CHD7: variants seen among roughly 807,000 people sequenced by gnomAD.
CHD7 encodes ATP-dependent chromatin remodeler CHD7.
A neutral mutation model predicts 307.3 loss-of-function variants in CHD7; 24 were observed. That is an observed-to-expected ratio of 0.08 (90% CI 0.06 to 0.11). The LOEUF is 0.11. Ranked by LOEUF, CHD7 falls within the 10% of genes least tolerant of loss-of-function variation. The pLI is 1.00. For synonymous variants in CHD7, 1,363 were observed against 1,349.9 expected (o/e 1.01, Z -0.21); for missense variants, 3,106 against 3,727.1 (o/e 0.83, Z 4.34).
chr8:60,836,857 C>G lies in CHD7; in HGVS notation c.4030C>G (p.Leu1344Val). Residue 1344 changes from leucine (L) to valine (V), a missense_variant, in exon 17 of 38, where the codon CTC becomes GTC. Leu to Val is a conservative substitution (Grantham distance 32). Around this residue, in one of 10 missense-constraint regions of CHD7, gnomAD observed 232 missense variants for 422.5 expected, o/e 0.55. Transcript: ENST00000423902. ...GATCGACGGCCGAGTAAGAGGCAAC[C>G]TCCGCCAGGCAGCTATCGACAGATT... ...ERIDGRVRGN[L>V]RQAAIDRFSK... is the part of the protein sequence containing the mutation. 1 of 1,613,786 alleles carries G rather than the reference C, an allele frequency of 6.2e-7. No individual in the cohort carries two copies. The highest frequency in any genetic ancestry group is 1.1e-5 in the South Asian group (1 of 91,042).
intron 1 of CHD7, among the ~76,000 whole-genome samples, chr8:60,738,515 C>G (rs910222040): frequency 2.0e-5 from 3 of 152,118 alleles, no homozygotes; most frequent in Admixed American, 2.0e-4. Flanking sequence ...GAATGAATAT[C>G]TTTTATAGAA....
At chr8:60,692,291 A>G (rs146693225) in intron 1 of CHD7, among the ~76,000 whole-genome samples, 44 of 152,330 alleles carry the variant, frequency 2.9e-4, no homozygotes, top group African/African-American at 1.0e-3. Context: ...GTTTGAAACC[A>G]TAGTCTTTAA....
chr8:60,712,082 G>T (rs1342182944), intron 1 of CHD7, among the ~76,000 whole-genome samples: 3 of 152,200 alleles, frequency 2.0e-5, no homozygotes, highest in African/African-American at 7.2e-5. Context: ...GTTTAAGAAG[G>T]TTATTTGGAA....
At position 60,865,544 on chromosome 8, in the gene CHD7, T is replaced by C. The variant is rs778436403; in HGVS notation, c.8605T>C (p.Ser2869Pro). The change falls in exon 38 of 38, where the codon TCT (serine) becomes CCT (proline). Residue 2869 changes from serine (S) to proline (P), a missense_variant. Ser to Pro is a moderately conservative substitution (Grantham distance 74). This residue lies in a region of CHD7 where 351 missense variants were observed against 366.2 expected (regional missense o/e 0.96). Transcript: ENST00000423902. This position sits in a 1 kb window ranked among gnomAD's most constrained non-coding sequence, Gnocchi z 4.3. The part of the protein sequence containing the change: ...KSTDAVSAAD[S>P]ANGSVGAATA... ...CACAGATGCTGTTTCGGCTGCTGAC[T>C]CTGCGAATGGATCTGTTGGTGCTGC... is the stretch of plus-strand genomic sequence containing the variant. 9 of 1,613,952 alleles carry C rather than the reference T, an allele frequency of 5.6e-6. No individual in the cohort carries two copies. In the East Asian group the frequency reaches 1.8e-4, roughly 32 times the overall value.
At chr8:60,708,806 T>C (rs545917727) in intron 1 of CHD7, among the ~76,000 whole-genome samples, 2 of 152,334 alleles carry the variant, frequency 1.3e-5, no homozygotes, top group Admixed American at 6.5e-5. Flanking sequence ...TCTGACTCTT[T>C]TCAACCGAAT....
rs554893343 is a variant in CHD7 at position 60,825,997 on chromosome 8, C to T, written c.3378+1981C>T. ...ATGCTATCCCTCCCCCAGCCCCCCA[C>T]AATCTTTGGGCTATTTCAAAGAGTT... On this transcript the variant is annotated intron_variant, in intron 13 of 37. Coordinates refer to ENST00000423902, the MANE Select transcript of CHD7 (RefSeq NM_017780.4). Among the ~76,000 whole-genome samples the T allele has an allele frequency of 2.6e-5, 4 of 152,276 alleles. No homozygotes were observed. In the South Asian group the frequency reaches 8.3e-4, roughly 32 times the overall value.
chr8:60,852,749 A>G, intron 30 of CHD7, 43 bp downstream of exon 30: 3 of 1,611,086 alleles, frequency 1.9e-6, no homozygotes, highest in Non-Finnish European at 2.5e-6. Context: ...AAAGACGAGT[A>G]AAGTGAAAAA....
intron 3 of CHD7, among the ~76,000 whole-genome samples, chr8:60,782,179 T>C (rs1435040224): frequency 6.6e-6 from 1 of 152,230 alleles, no homozygotes. Context: ...TTTTTCAGAA[T>C]GTGGCTCATG....
intron 1 of CHD7, among the ~76,000 whole-genome samples, chr8:60,732,486 C>A (rs986333920): frequency 2.0e-5 from 3 of 152,200 alleles, no homozygotes; most frequent in African/African-American, 7.2e-5. Flanking sequence ...AGAGCATGGC[C>A]ACAGGGCAGC....
rs1806281369 is a variant in CHD7 at position 60,867,628 on chromosome 8, C to T, written c.*1695C>T. On this transcript the variant is annotated 3_prime_UTR_variant, in exon 38 of 38. Coordinates refer to ENST00000423902, the MANE Select transcript of CHD7 (RefSeq NM_017780.4). ...TTCGTGTGTGTTGCCTTCCTCCACA[C>T]CCTTCCCCCAGGACGTCCGCACACA... 6.6e-6 allele frequency: 1 copy of T among 152,244 alleles called. No individual in the cohort carries two copies. The highest frequency in any genetic ancestry group is 2.4e-5 in the African/African-American group (1 of 41,440). 9.4% of individuals were successfully genotyped at this position (152,244 alleles called of 1,614,324 possible).
At position 60,746,536 on chromosome 8, in the gene CHD7, G is replaced by A. The variant is rs1809339851; in HGVS notation, c.1665+3439G>A. On this transcript the variant is annotated intron_variant, in intron 2 of 37. Transcript: ENST00000423902. ...TGGCTCAATACTATACCAGGTATCA[G>A]GGAAGATACCAGATTAGGTTGAAAT... Among the ~76,000 whole-genome samples, 4 of 152,154 alleles carry A rather than the reference G, an allele frequency of 2.6e-5. No homozygotes were observed. The South Asian group carries it at 8.3e-4, about 32-fold the overall frequency.
chr8:60,720,761 C>G (rs1326872163), intron 1 of CHD7, among the ~76,000 whole-genome samples: 1 of 152,160 alleles, frequency 6.6e-6, no homozygotes, highest in Non-Finnish European at 1.5e-5. Flanking sequence ...AACCTTTGAG[C>G]CTTCAGTTTC....
chr8:60,784,274 A>G (rs1236765428), intron 3 of CHD7, among the ~76,000 whole-genome samples: 1 of 152,230 alleles, frequency 6.6e-6, no homozygotes, highest in Non-Finnish European at 1.5e-5. Context: ...ATGTTATGTG[A>G]TACCAGTTAT....
Position 60,856,475 on chromosome 8 carries a change from C to G in CHD7, c.7195C>G (p.Gln2399Glu). The G allele has an allele frequency of 6.2e-7, 1 of 1,613,290 alleles. No homozygotes were observed. The highest frequency in any genetic ancestry group is 8.5e-7 in the Non-Finnish European group (1 of 1,179,590). ...TGCCCTCAACCTCTCTGTCCCTCGC[C>G]AGCGGAGGAGGAGGAGGAGAAAAAT... ...EDALNLSVPR[Q>E]RRRRRRKIEI... The change falls in exon 34 of 38, where the codon CAG becomes GAG. Residue 2399 changes from glutamine to glutamate, a missense_variant. This residue lies in a region of CHD7 where 1,030 missense variants were observed against 1,165.4 expected (regional missense o/e 0.88). Transcript: ENST00000423902.
chr8:60,827,843 T>C (rs1804323632), intron 13 of CHD7, among the ~76,000 whole-genome samples: 1 of 152,024 alleles, frequency 6.6e-6, no homozygotes, highest in African/African-American at 2.4e-5. Flanking sequence ...CTTTCTCAAC[T>C]ACTGGGATGT....
chr8:60,678,918 CG>C lies in CHD7; in HGVS notation c.-335del. The C allele has an allele frequency of 6.6e-6, 1 of 152,466 alleles. No homozygotes were observed. Among genetic ancestry groups the C allele is most frequent in the Non-Finnish European group, 1.5e-5 (1 of 68,160 alleles). The allele number at this position is 152,466 out of a possible 1,614,324, so 9.4% of individuals were successfully genotyped here. ...AAGGAGCGCCGCGGAGGAGGCGGCC[CG>C]GGGACCCGGACACCCTGAAACTCAC... On this transcript the variant is annotated 5_prime_UTR_variant, in exon 1 of 38. Coordinates refer to ENST00000423902, the MANE Select transcript of CHD7 (RefSeq NM_017780.4).
intron 7 of CHD7, among the ~76,000 whole-genome samples, chr8:60,810,617 CT>C (rs1267716402): frequency 1.3e-5 from 2 of 151,944 alleles, no homozygotes; most frequent in African/African-American, 2.4e-5. Flanking sequence ...TTTATGTTTG[CT>C]TTTTTTCAGT....
Position 60,861,074 on chromosome 8 carries a change from A to G in CHD7, c.7779A>G (p.Glu2593=), listed in dbSNP as rs1284778661. The change falls in exon 35 of 38, where the codon GAA becomes GAG. Residue 2593 remains glutamate (E), a synonymous_variant. Transcript: ENST00000423902. ...CTCCTAAAAATAAGGATTTAGTTGAATGGCTGAAGCTGCACCCTACTTACA... is the reference window on the plus strand; with the variant it reads ...CTCCTAAAAATAAGGATTTAGTTGAGTGGCTGAAGCTGCACCCTACTTACA... ...EDAPKNKDLV[E]WLKLHPTYTV... 1 of 1,612,386 alleles carries G rather than the reference A, an allele frequency of 6.2e-7. No individual in the cohort carries two copies. The highest frequency in any genetic ancestry group is 1.3e-5 in the African/African-American group (1 of 75,006).
At chr8:60,816,001 G>A (rs1803719897) in intron 7 of CHD7, among the ~76,000 whole-genome samples, 1 of 152,166 alleles carries the variant, frequency 6.6e-6, no homozygotes, top group South Asian at 2.1e-4. Context: ...CAGAATTAAG[G>A]CCTCCCTGTA....
Sources: allele counts gnomAD v4.1 joint callset (sites outside exome capture counted in the v4.1 genomes callset), GRCh38; gene constraint gnomAD v4.1.1; regional missense constraint gnomAD v4.1.1; non-coding constraint Gnocchi (gnomAD v3.1); transcripts MANE v1.5; gene names NCBI Gene and HGNC (gene_info 2026-07-23, HGNC 2026-07-21).